SLC38A4: variants seen among roughly 807,000 people sequenced by gnomAD.
The protein encoded by SLC38A4 is solute carrier family 38 member 4.
In SLC38A4, 20 loss-of-function variants were observed where a neutral mutation model predicts 63.1. The observed-to-expected ratio is 0.32, with a 90% CI of 0.22 to 0.46. The LOEUF (loss-of-function observed/expected upper bound fraction) is 0.46. SLC38A4 is among the 20% of genes least tolerant of loss of function. The probability of loss-of-function intolerance (pLI) is 1.00; values close to 1 mark genes in which losing one functional copy is unlikely to be tolerated. For missense variants in SLC38A4, 526 were observed against 663.6 expected (o/e 0.79, Z 2.28); for synonymous variants, 230 against 225.5 (o/e 1.02, Z -0.18).
At chr12:46,830,298 TCACACACACA>T (rs10597523), upstream of SLC38A4, among the ~76,000 whole-genome samples, 11 of 148,412 alleles carry the variant, frequency 7.4e-5, no homozygotes, top group African/African-American at 2.0e-4. Context: ...TCTCTCTCTC[TCACACACACA>T]CACACACACA....
At chr12:46,821,980 A>C (rs1294366495) in intron 1 of SLC38A4, among the ~76,000 whole-genome samples, 1 of 152,084 alleles carries the variant, frequency 6.6e-6, no homozygotes, top group Non-Finnish European at 1.5e-5. Flanking sequence ...AGAATAGTTC[A>C]TTGTCAACAT....
intron 1 of SLC38A4, among the ~76,000 whole-genome samples, chr12:46,813,551 G>A (rs1010423780): frequency 1.3e-5 from 2 of 151,942 alleles, no homozygotes; most frequent in African/African-American, 4.8e-5. Context: ...CGTGCTGTCT[G>A]TGCCTCTTGC....
At chr12:46,784,739 C>A in intron 6 of SLC38A4, 105 bp from the exon 7 acceptor site, 1 of 845,264 alleles carries the variant, frequency 1.2e-6, no homozygotes, top group South Asian at 1.8e-5. Context: ...AAATAAACAT[C>A]ATATAGAAAT....
At chr12:46,822,797 G>A (rs1939577458) in intron 1 of SLC38A4, among the ~76,000 whole-genome samples, 1 of 152,146 alleles carries the variant, frequency 6.6e-6, no homozygotes, top group Non-Finnish European at 1.5e-5. Context: ...ATAGAGTTTG[G>A]CTGAGGTTGA....
At chr12:46,789,934 C>T (rs943855162) in intron 3 of SLC38A4, among the ~76,000 whole-genome samples, 2 of 151,918 alleles carry the variant, frequency 1.3e-5, no homozygotes, top group African/African-American at 2.4e-5. Context: ...AAAAGTTAGC[C>T]GAGTGTGGTG....
At chr12:46,814,861 C>A (rs143534525) in intron 1 of SLC38A4, among the ~76,000 whole-genome samples, 3 of 151,896 alleles carry the variant, frequency 2.0e-5, no homozygotes, top group Non-Finnish European at 4.4e-5. Context: ...TGCATACATG[C>A]TACTTCTCAT....
chr12:46,816,424 CACTT>C (rs529718411), intron 1 of SLC38A4, among the ~76,000 whole-genome samples: 27 of 152,006 alleles, frequency 1.8e-4, no homozygotes, highest in Middle Eastern at 3.4e-3. Context: ...TTTTGCCTGA[CACTT>C]TCTGTATGTC....
intron 7 of SLC38A4, among the ~76,000 whole-genome samples, chr12:46,781,545 A>AT (rs1938638704): frequency 6.6e-6 from 1 of 152,076 alleles, no homozygotes; most frequent in East Asian, 1.9e-4. Context: ...GTAAATGTTA[A>AT]TTTTTTAGGG....
At chr12:46,818,454 A>G (rs1939482397) in intron 1 of SLC38A4, among the ~76,000 whole-genome samples, 2 of 151,924 alleles carry the variant, frequency 1.3e-5, no homozygotes, top group Admixed American at 6.6e-5. Context: ...ATGATTTTTC[A>G]TGATCCTTGG....
At chr12:46,807,596 A>G (rs1285806297) in intron 1 of SLC38A4, among the ~76,000 whole-genome samples, 3 of 152,016 alleles carry the variant, frequency 2.0e-5, no homozygotes, top group South Asian at 4.1e-4. Flanking sequence ...TGGCACTTCA[A>G]ATTCTTCATT....
At position 46,782,212 on chromosome 12, in the gene SLC38A4, T is replaced by C. The variant is rs531821287; in HGVS notation, c.494-2182A>G. Among the ~76,000 whole-genome samples the C allele has an allele frequency of 1.6e-3, 238 of 152,152 alleles. 1 individual carries two copies. Among genetic ancestry groups the C allele is most frequent in the Admixed American group, 3.0e-3 (46 of 15,260 alleles). On this transcript the variant is annotated intron_variant, in intron 7 of 16. Transcript: ENST00000266579. ...CTGCATTCCAGAAATCCTTGATAAC[T>C]CCAGTGAATTTATTTATTAAAATGG... is the stretch of plus-strand genomic sequence containing the variant.
chr12:46,815,786 A>ATATT (rs1939431130), intron 1 of SLC38A4, among the ~76,000 whole-genome samples: 2 of 151,940 alleles, frequency 1.3e-5, no homozygotes, highest in African/African-American at 4.8e-5. Context: ...CTCCAGGCAA[A>ATATT]CATTTCAGGA....
Position 46,765,757 on chromosome 12 carries a change from A to G in SLC38A4, c.*944T>C, listed in dbSNP as rs1176966379. 3 of 163,188 alleles carry G rather than the reference A, an allele frequency of 1.8e-5. No individual in the cohort carries two copies. Among genetic ancestry groups the G allele is most frequent in the African/African-American group, 7.2e-5 (3 of 41,478 alleles). The allele number at this position is 163,188 out of a possible 1,614,324, so 10.1% of individuals were successfully genotyped here. A position where few individuals can be genotyped will look rare whatever the true frequency, so the allele number is the denominator to read the frequency against. On this transcript the variant is annotated 3_prime_UTR_variant, in exon 17 of 17. Transcript: ENST00000266579. ...ACAGAATAAGATTATATACATAAAC[A>G]TATAGCAAATCACAGTTTCCTGCAC...
chr12:46,794,133 G>T (rs1336332940), intron 2 of SLC38A4, among the ~76,000 whole-genome samples: 1 of 152,112 alleles, frequency 6.6e-6, no homozygotes, highest in Non-Finnish European at 1.5e-5. Context: ...GAAATCTTGA[G>T]CAGAGAAACT....
Position 46,778,781 on chromosome 12 carries a change from A to C in SLC38A4, c.718-5T>G. ...TTGGAATTTCTTGTAAATCACCTAGACTCAGTCATTAAAAAAGAAAAAAAA... is the reference window on the plus strand; with the variant it reads ...TTGGAATTTCTTGTAAATCACCTAGCCTCAGTCATTAAAAAAGAAAAAAAA... On this transcript the variant is annotated splice_polypyrimidine_tract_variant and splice_region_variant and intron_variant, in intron 10 of 16. Transcript: ENST00000266579. The C allele has an allele frequency of 1.2e-6, 2 of 1,601,468 alleles. No individual in the cohort carries two copies. Among genetic ancestry groups the C allele is most frequent in the Non-Finnish European group, 8.5e-7 (1 of 1,173,664 alleles).
upstream of SLC38A4, among the ~76,000 whole-genome samples, chr12:46,827,974 A>AG (rs1939682111): frequency 1.3e-5 from 2 of 152,110 alleles, no homozygotes; most frequent in South Asian, 2.1e-4. Context: ...AATTCAGGGG[A>AG]GGGGCAGAGC....
chr12:46,784,516 A>G, intron 7 of SLC38A4, 26 bp downstream of exon 7: 1 of 1,565,228 alleles, frequency 6.4e-7, no homozygotes, highest in Non-Finnish European at 8.7e-7. Flanking sequence ...AGTTTATGGG[A>G]TCCATTGAAA....
intron 1 of SLC38A4, among the ~76,000 whole-genome samples, chr12:46,816,104 A>G (rs1445542411): frequency 2.6e-5 from 4 of 151,976 alleles, no homozygotes; most frequent in Non-Finnish European, 5.9e-5. Flanking sequence ...TGTTTCTAAG[A>G]TAAAGAAAAC....
intron 3 of SLC38A4, among the ~76,000 whole-genome samples, chr12:46,789,149 C>T (rs915529842): frequency 6.6e-6 from 1 of 151,634 alleles, no homozygotes; most frequent in South Asian, 2.1e-4. Context: ...GGGGGAGACC[C>T]CATTCTCCCC....
Sources: gnomAD v4.1 joint callset for allele counts (sites outside exome capture counted in the v4.1 genomes callset) on GRCh38, gnomAD v4.1.1 for gene constraint, MANE v1.5 for transcripts, NCBI Gene and HGNC (gene_info 2026-07-23, HGNC 2026-07-21) for gene names.